Variants in GPCPD1 observed in about 807,000 individuals in gnomAD.
GPCPD1 encodes glycerophosphocholine phosphodiesterase 1.
A neutral mutation model predicts 89.2 loss-of-function variants in GPCPD1; 29 were observed. That is an observed-to-expected ratio of 0.33 (90% confidence interval 0.24 to 0.44). The LOEUF is 0.44. GPCPD1 is among the 20% of genes least tolerant of loss of function. The pLI is 1.00. For synonymous variants in GPCPD1, 258 were observed against 266.3 expected (o/e 0.97, Z 0.30); for missense variants, 594 against 808.9 (o/e 0.73, Z 3.22).
chr20:5,589,545 G>A (rs1255749129), intron 4 of GPCPD1, among the ~76,000 whole-genome samples: 1 of 152,118 alleles, frequency 6.6e-6, no homozygotes, highest in African/African-American at 2.4e-5. Context: ...CTGGGAGGCG[G>A]AGGTTGCAAT....
rs1052149022 is a variant in GPCPD1 at position 5,609,248 on chromosome 20, A to G, written c.-29+1594T>C. On this transcript the variant is annotated intron_variant, in intron 1 of 19. Transcript: ENST00000379019. ...CTTGGCAGCTTTGATCCTCCTAACT[A>G]GCTAAATAAAGTAATATATAAAATG... 1.8e-4 allele frequency among the ~76,000 whole-genome samples: 28 copies of G among 152,288 alleles called. No homozygotes were observed. The Middle Eastern group carries it at 0.01, about 55-fold the overall frequency.
chr20:5,558,319 A>G (rs1985892832), intron 18 of GPCPD1, among the ~76,000 whole-genome samples: 1 of 152,150 alleles, frequency 6.6e-6, no homozygotes, highest in Non-Finnish European at 1.5e-5. Flanking sequence ...GTATAAGCAT[A>G]CATATTGAAT....
At chr20:5,595,551 G>A (rs765036157) in intron 3 of GPCPD1, among the ~76,000 whole-genome samples, 6 of 152,042 alleles carry the variant, frequency 3.9e-5, no homozygotes, top group Admixed American at 1.3e-4. Context: ...TGAGGCAGGC[G>A]AATCACTTGA....
chr20:5,602,258 C>T (rs536259873), intron 2 of GPCPD1, among the ~76,000 whole-genome samples: 2 of 152,200 alleles, frequency 1.3e-5, no homozygotes, highest in Admixed American at 6.5e-5. Flanking sequence ...AATCCCTGAC[C>T]CCAATCAAGC....
chr20:5,593,846 T>C (rs1216438779), intron 3 of GPCPD1, among the ~76,000 whole-genome samples: 1 of 152,240 alleles, frequency 6.6e-6, no homozygotes, highest in Admixed American at 6.5e-5. Flanking sequence ...GACTTCCCAC[T>C]TAGCGAGGGA....
chr20:5,563,508 T>C (rs937927754), intron 15 of GPCPD1, among the ~76,000 whole-genome samples: 1 of 152,074 alleles, frequency 6.6e-6, no homozygotes, highest in Non-Finnish European at 1.5e-5. Context: ...AATTACATTT[T>C]ACTTATTTAT....
At chr20:5,604,264 A>T in intron 2 of GPCPD1, 100 bp downstream of exon 2, 1 of 696,280 alleles carries the variant, frequency 1.4e-6, no homozygotes, top group Non-Finnish European at 2.6e-6. Context: ...TCATCTAAAA[A>T]ATCAGGCCCA....
At chr20:5,578,689 A>C (rs1216508116) in intron 7 of GPCPD1, 78 bp from the exon 8 acceptor site, 1 of 836,806 alleles carries the variant, frequency 1.2e-6, no homozygotes, top group Non-Finnish European at 2.0e-6. Context: ...TAAATTCTAC[A>C]TTTTAAAGTG....
chr20:5,592,575 G>A (rs1316440469), intron 4 of GPCPD1, among the ~76,000 whole-genome samples: 6 of 152,118 alleles, frequency 3.9e-5, no homozygotes, highest in Admixed American at 1.3e-4. Context: ...GACTCCCAAA[G>A]GAAATACATT....
At chr20:5,596,696 G>A (rs938403005) in intron 3 of GPCPD1, among the ~76,000 whole-genome samples, 2 of 152,144 alleles carry the variant, frequency 1.3e-5, no homozygotes, top group African/African-American at 4.8e-5. Context: ...AGGGAGAGCT[G>A]GTAAGAGAAA....
chr20:5,575,673 A>G, intron 9 of GPCPD1, 128 bp from the exon 10 acceptor site: 1 of 888,882 alleles, frequency 1.1e-6, no homozygotes, highest in Non-Finnish European at 1.7e-6. Flanking sequence ...AAAAAACAAG[A>G]TTCAAAATGT....
chr20:5,583,858 CA>C (rs1197692254), intron 6 of GPCPD1, among the ~76,000 whole-genome samples: 1 of 152,214 alleles, frequency 6.6e-6, no homozygotes, highest in Admixed American at 6.5e-5. Flanking sequence ...GTATACTACA[CA>C]CTTTTAATTA....
intron 11 of GPCPD1, among the ~76,000 whole-genome samples, chr20:5,570,785 G>A (rs1177022630): frequency 6.6e-6 from 1 of 152,102 alleles, no homozygotes; most frequent in Non-Finnish European, 1.5e-5. Flanking sequence ...AACAGAAACA[G>A]GAAAAAGATG....
intron 1 of GPCPD1, among the ~76,000 whole-genome samples, chr20:5,609,520 C>T (rs770359210): frequency 1.9e-4 from 29 of 152,148 alleles, no homozygotes; most frequent in Non-Finnish European, 4.0e-4. Context: ...AAATGTTTTC[C>T]ATTCATTTTA....
At chr20:5,580,221 C>T in intron 6 of GPCPD1, 90 bp from the exon 7 acceptor site, 1 of 622,632 alleles carries the variant, frequency 1.6e-6, no homozygotes, top group South Asian at 2.3e-5. Context: ...AATTCTAGTT[C>T]ACATTCACTT....
rs538864679 is a variant in GPCPD1 at position 5,595,979 on chromosome 20, A to AT, written c.147-2569dup. Among the ~76,000 whole-genome samples the AT allele has an allele frequency of 6.4e-4, 98 of 152,006 alleles. 2 individuals carry two copies. The South Asian group carries it at 0.012, about 18-fold the overall frequency. ...CCAGGAGCAGGATCTAGGTATGTGT[A>AT]TTTTTTTTCAAGTCCTCCCAAGTGA... On this transcript the variant is annotated intron_variant, in intron 3 of 19. Transcript: ENST00000379019.
At chr20:5,558,951 C>G in intron 17 of GPCPD1, 132 bp from the exon 18 acceptor site, 1 of 644,708 alleles carries the variant, frequency 1.6e-6, no homozygotes, top group Non-Finnish European at 2.5e-6. Context: ...ACCTGTAATC[C>G]CAACACTTTG....
chr20:5,555,270 G>C (rs1216405727), intron 19 of GPCPD1, among the ~76,000 whole-genome samples: 3 of 152,220 alleles, frequency 2.0e-5, no homozygotes, highest in African/African-American at 7.2e-5. Context: ...GCAGGGAGTG[G>C]TGGCCACCTG....
intron 15 of GPCPD1, among the ~76,000 whole-genome samples, chr20:5,561,818 G>A (rs557071141): frequency 3.3e-5 from 5 of 152,196 alleles, no homozygotes; most frequent in South Asian, 2.1e-4. Flanking sequence ...AATCCTTTTC[G>A]CCATTACTAG....
Sources: gnomAD v4.1 joint callset for allele counts (sites outside exome capture counted in the v4.1 genomes callset) on GRCh38, gnomAD v4.1.1 for gene constraint, MANE v1.5 for transcripts, NCBI Gene and HGNC (gene_info 2026-07-23, HGNC 2026-07-21) for gene names.